FSTL4: variants seen among roughly 807,000 people sequenced by gnomAD.
FSTL4 encodes the protein follistatin-related protein 4.
A neutral mutation model predicts 78.2 loss-of-function variants in FSTL4; 28 were observed. The observed-to-expected ratio is 0.36, with a 90% CI of 0.27 to 0.49. The LOEUF (loss-of-function observed/expected upper bound fraction) is 0.49. Among genes scored for constraint, FSTL4 ranks in the 20% least tolerant of loss-of-function variants. The pLI is 0.98. For synonymous variants in FSTL4, 422 were observed against 440.5 expected (o/e 0.96, Z 0.53); for missense variants, 922 against 1,084.9 (o/e 0.85, Z 2.11).
the FSTL4 span, among the ~76,000 whole-genome samples, chr5:133,686,411 A>T: frequency 7.2e-5 from 11 of 152,254 alleles, no homozygotes; most frequent in Non-Finnish European, 1.6e-4. Context: ...TAAAATGCTC[A>T]CATTGTGTCT....
chr5:133,709,283 T>G, the FSTL4 span, among the ~76,000 whole-genome samples: 1 of 152,330 alleles, frequency 6.6e-6, no homozygotes, highest in Middle Eastern at 3.4e-3. Flanking sequence ...AGCCCATCTA[T>G]TCACTGGAAT....
intron 4 of FSTL4, among the ~76,000 whole-genome samples, chr5:133,392,164 G>A (rs1470219221): frequency 6.6e-6 from 1 of 152,184 alleles, no homozygotes; most frequent in Non-Finnish European, 1.5e-5. Flanking sequence ...AGGCCATAGA[G>A]GTCATCCAGC....
At chr5:133,464,195 A>T (rs1020443706) in intron 3 of FSTL4, among the ~76,000 whole-genome samples, 6 of 152,220 alleles carry the variant, frequency 3.9e-5, no homozygotes, top group Non-Finnish European at 8.8e-5. Flanking sequence ...TGCACAAGAC[A>T]TCTGTAGCCC....
At chr5:133,642,360 T>A in the FSTL4 span, among the ~76,000 whole-genome samples, 1 of 152,302 alleles carries the variant, frequency 6.6e-6, no homozygotes, top group East Asian at 1.9e-4. Context: ...TCAGTGCAGT[T>A]CTGCAGTGTG....
In FSTL4 at chr5:133,225,604, C is replaced by A; in HGVS notation, c.1177+54G>T. ...CCTCTCGTTTCCATTCCTGGAGTCT[C>A]AGCTTGATTTGAATGGGAATATCGC... On this transcript the variant is annotated intron_variant, in intron 9 of 15. Coordinates refer to ENST00000265342, the MANE Select transcript of FSTL4 (RefSeq NM_015082.2). The surrounding 1 kb of genome is among the most constrained non-coding windows in gnomAD (Gnocchi z 4.6). 1 of 1,445,610 alleles carries A rather than the reference C, an allele frequency of 6.9e-7. No individual in the cohort carries two copies. Among genetic ancestry groups the A allele is most frequent in the Non-Finnish European group, 9.4e-7 (1 of 1,064,246 alleles). 89.5% of individuals were successfully genotyped at this position (1,445,610 alleles called of 1,614,324 possible).
intron 6 of FSTL4, among the ~76,000 whole-genome samples, chr5:133,261,428 A>C (rs1347272544): frequency 1.3e-5 from 2 of 152,186 alleles, no homozygotes; most frequent in Non-Finnish European, 2.9e-5. Context: ...CTCTTAGCCG[A>C]GAAGACCCCA....
At chr5:133,754,421 T>C in the FSTL4 span, among the ~76,000 whole-genome samples, 1 of 152,206 alleles carries the variant, frequency 6.6e-6, no homozygotes, top group Non-Finnish European at 1.5e-5. Context: ...TTTGTCCACG[T>C]AAATTGGATT....
chr5:133,529,604 A>G (rs1759208529), intron 3 of FSTL4, among the ~76,000 whole-genome samples: 1 of 152,160 alleles, frequency 6.6e-6, no homozygotes, highest in Admixed American at 6.5e-5. Context: ...TCTCCATTTT[A>G]TAGATGAGGA....
the FSTL4 span, among the ~76,000 whole-genome samples, chr5:133,658,945 A>G: frequency 1.3e-5 from 2 of 152,120 alleles, no homozygotes; most frequent in Non-Finnish European, 2.9e-5. Context: ...TTAACATTTA[A>G]TTTAATAGCA....
chr5:133,645,490 T>C, the FSTL4 span, among the ~76,000 whole-genome samples: 1 of 152,136 alleles, frequency 6.6e-6, no homozygotes, highest in Non-Finnish European at 1.5e-5. Context: ...CCTTTTTTCA[T>C]TCATTCGACA....
chr5:133,839,783 A>G, the FSTL4 span, among the ~76,000 whole-genome samples: 1 of 152,168 alleles, frequency 6.6e-6, no homozygotes, highest in Non-Finnish European at 1.5e-5. Flanking sequence ...GCCATGTACC[A>G]TTTTCCAAAT....
At chr5:133,247,779 A>G (rs1364387875) in intron 7 of FSTL4, 2 of 152,284 alleles carry the variant, frequency 1.3e-5, no homozygotes, top group African/African-American at 2.4e-5. Flanking sequence ...CATGGTGGGA[A>G]ATCACAAGAA....
the FSTL4 span, among the ~76,000 whole-genome samples, chr5:133,681,487 T>C: frequency 1.3e-5 from 2 of 152,122 alleles, no homozygotes; most frequent in African/African-American, 4.8e-5. Flanking sequence ...TACGTTAATA[T>C]ATTCTAAAGC....
At chr5:133,289,290 G>A (rs1753203669) in intron 6 of FSTL4, among the ~76,000 whole-genome samples, 3 of 152,164 alleles carry the variant, frequency 2.0e-5, no homozygotes, top group African/African-American at 7.2e-5. Context: ...CTTCTTCTGA[G>A]CCTTTCTCTT....
intron 3 of FSTL4, among the ~76,000 whole-genome samples, chr5:133,480,791 G>A (rs1347322513): frequency 6.6e-6 from 1 of 152,116 alleles, no homozygotes; most frequent in Non-Finnish European, 1.5e-5. Flanking sequence ...TCATGATCCT[G>A]AAGAAATGCT....
At chr5:133,471,577 C>T (rs1757827678) in intron 3 of FSTL4, among the ~76,000 whole-genome samples, 1 of 152,164 alleles carries the variant, frequency 6.6e-6, no homozygotes, top group East Asian at 1.9e-4. Flanking sequence ...AAAGTGGGCC[C>T]TCACCAGACT....
At chr5:133,542,943 C>A (rs1316467736) in intron 3 of FSTL4, among the ~76,000 whole-genome samples, 4 of 148,056 alleles carry the variant, frequency 2.7e-5, no homozygotes, top group African/African-American at 5.0e-5. Flanking sequence ...TCAATTTTAT[C>A]CATTCCTTTT....
chr5:133,345,636 G>A (rs149151945), intron 4 of FSTL4, among the ~76,000 whole-genome samples: 2,304 of 152,134 alleles, frequency 0.015, 23 homozygotes, highest in Non-Finnish European at 0.025. Flanking sequence ...ACAAACATAT[G>A]AAAAAAAGCT....
the FSTL4 span, among the ~76,000 whole-genome samples, chr5:133,732,664 C>T: frequency 2.6e-5 from 4 of 152,328 alleles, no homozygotes; most frequent in Admixed American, 6.5e-5. Context: ...TCCCACTGCC[C>T]GCCCAGCTCC....
Sources: gnomAD v4.1 joint callset for allele counts (sites outside exome capture counted in the v4.1 genomes callset) on GRCh38, gnomAD v4.1.1 for gene constraint, Gnocchi (gnomAD v3.1) non-coding constraint, MANE v1.5 for transcripts, NCBI Gene and HGNC (gene_info 2026-07-23, HGNC 2026-07-21) for gene names.